ADRA1B: variants seen among roughly 807,000 people sequenced by gnomAD.
ADRA1B encodes alpha-1B adrenergic receptor.
A neutral mutation model predicts 17.9 loss-of-function variants in ADRA1B; 17 were observed. The observed-to-expected ratio is 0.95, with a 90% CI of 0.65 to 1.42. The LOEUF (loss-of-function observed/expected upper bound fraction) is 1.42, where lower values mean the gene tolerates loss of function less well. Ranked by LOEUF, ADRA1B falls within the 40% of genes most tolerant of loss-of-function variation. ADRA1B has a pLI of 0.00. For synonymous variants in ADRA1B, 366 were observed against 327.6 expected, an observed-to-expected ratio of 1.12 and a Z score of -1.27; for missense variants, 681 against 722.1, an observed-to-expected ratio of 0.94 and a Z score of 0.65.
chr5:159,966,199 T>C (rs1377942419), intron 1 of ADRA1B, among the ~76,000 whole-genome samples: 1 of 152,210 alleles, frequency 6.6e-6, no homozygotes, highest in African/African-American at 2.4e-5. Flanking sequence ...ACCCCAAATA[T>C]GTTTCCTAAA....
At chr5:159,925,067 A>C (rs911842997) in intron 1 of ADRA1B, among the ~76,000 whole-genome samples, 5 of 152,206 alleles carry the variant, frequency 3.3e-5, no homozygotes, top group Non-Finnish European at 7.3e-5. Flanking sequence ...GCCTCAGGTT[A>C]CCCAGCTGAT....
rs190968237 is a variant in ADRA1B at position 159,905,189 on chromosome 5, G to T, written c.-255-10930G>T. On this transcript the variant is annotated intron_variant, in intron 1 of 2. Coordinates refer to the ADRA1B transcript ENST00000641205. ...GAGACCATTGGGATCTTGGGGAGGG[G>T]TTATAGTTGAAAGGAAGAGAGGGTT... Among the ~76,000 whole-genome samples, 18 of 152,310 alleles carry T rather than the reference G, an allele frequency of 1.2e-4. No homozygotes were observed. In the East Asian group the frequency reaches 3.5e-3, roughly 29 times the overall value.
At chr5:159,979,857 G>A in the ADRA1B span, among the ~76,000 whole-genome samples, 7 of 151,404 alleles carry the variant, frequency 4.6e-5, no homozygotes, top group Non-Finnish European at 7.4e-5. Flanking sequence ...AACAGAGCAA[G>A]ACTCCGTCAA....
In ADRA1B at chr5:159,917,824, T is replaced by C; in HGVS notation, c.919T>C (p.Trp307Arg). Residue 307 changes from tryptophan (W) to arginine (R), a missense_variant, in exon 1 of 2, where the codon TGG (tryptophan) becomes CGG (arginine). By Grantham distance (101) the Trp-to-Arg change is moderately radical (BLOSUM62 -3). This residue lies in a region of ADRA1B where 424 missense variants were observed against 480.2 expected (regional missense o/e 0.88). Coordinates refer to ENST00000306675, the MANE Select transcript of ADRA1B (RefSeq NM_000679.4). ...GIVVGMFILC[W>R]LPFFIALPLG... The stretch of plus-strand genomic sequence containing the variant: ...TGTGGTCGGTATGTTCATCTTGTGC[T>C]GGCTACCCTTCTTCATCGCTCTACC... The C allele has an allele frequency of 6.2e-7, 1 of 1,611,354 alleles. No homozygotes were observed. The highest frequency in any genetic ancestry group is 8.5e-7 in the Non-Finnish European group (1 of 1,179,188).
At position 159,916,935 on chromosome 5, in the gene ADRA1B, C is replaced by T. The variant is rs1386285248; in HGVS notation, c.30C>T (p.Asn10=). The part of the protein sequence containing the change: MNPDLDTGH[N]TSAPAHWGEL... ...ATCCCGACCTGGACACCGGCCACAA[C>T]ACATCAGCACCTGCCCACTGGGGAG... Residue 10 remains asparagine, a synonymous_variant, in exon 1 of 2, where the codon AAC becomes AAT. Transcript: ENST00000306675. 1 of 1,613,594 alleles carries T rather than the reference C, an allele frequency of 6.2e-7. No homozygotes were observed. The highest frequency in any genetic ancestry group is 1.7e-5 in the Admixed American group (1 of 60,004).
At chr5:159,882,495 A>C (rs887091328) in intron 1 of ADRA1B, among the ~76,000 whole-genome samples, 38 of 152,358 alleles carry the variant, frequency 2.5e-4, no homozygotes, top group East Asian at 2.3e-3. Flanking sequence ...ACTGGTTCCC[A>C]GCTGTGCTGA....
At chr5:159,895,024 A>G (rs764532442) in intron 1 of ADRA1B, among the ~76,000 whole-genome samples, 16 of 152,236 alleles carry the variant, frequency 1.1e-4, no homozygotes, top group Admixed American at 2.6e-4. Flanking sequence ...AGGAAGCATT[A>G]TAGAACTACT....
chr5:159,877,299 C>T (rs931566318), intron 1 of ADRA1B, among the ~76,000 whole-genome samples: 7 of 152,130 alleles, frequency 4.6e-5, no homozygotes, highest in Non-Finnish European at 5.9e-5. Context: ...TCAGAAGACC[C>T]GGGGACAATA....
chr5:159,908,591 C>T (rs1290437037), intron 1 of ADRA1B, among the ~76,000 whole-genome samples: 2 of 152,170 alleles, frequency 1.3e-5, no homozygotes. Context: ...TCACCAGAAG[C>T]AGATGCCTGT....
chr5:159,870,561 A>G, intron 1 of ADRA1B: 1 of 152,196 alleles, frequency 6.6e-6, no homozygotes, highest in Middle Eastern at 3.2e-3. Flanking sequence ...ATGTGTGTAT[A>G]AACTCCTGTA....
chr5:159,972,640 G>C lies in ADRA1B; in HGVS notation c.*148G>C. ...GGGAGGGCCGGGGAGAGGGGCAGCT[G>C]CTTTTCTGGCAGGGGCATGGGTGCC... On this transcript the variant is annotated 3_prime_UTR_variant, in exon 2 of 2. Coordinates refer to ENST00000306675, the MANE Select transcript of ADRA1B (RefSeq NM_000679.4). 1 of 944,072 alleles carries C rather than the reference G, an allele frequency of 1.1e-6. No individual in the cohort carries two copies. Among genetic ancestry groups the C allele is most frequent in the Non-Finnish European group, 1.5e-6 (1 of 688,602 alleles). 58.5% of individuals were successfully genotyped at this position (944,072 alleles called of 1,614,324 possible).
downstream of ADRA1B, among the ~76,000 whole-genome samples, chr5:159,977,846 C>T (rs1466138895): frequency 3.9e-5 from 6 of 152,012 alleles, no homozygotes; most frequent in Admixed American, 3.3e-4. Context: ...CAGGGGGAGC[C>T]TCACAACTCC....
At chr5:159,909,140 A>G (rs1019558503) in intron 1 of ADRA1B, among the ~76,000 whole-genome samples, 5 of 152,158 alleles carry the variant, frequency 3.3e-5, no homozygotes, top group African/African-American at 1.2e-4. Context: ...TCAATGCACA[A>G]TGAAGATGGG....
intron 1 of ADRA1B, among the ~76,000 whole-genome samples, chr5:159,919,900 A>T (rs1208118350): frequency 1.3e-5 from 2 of 152,242 alleles, no homozygotes; most frequent in African/African-American, 4.8e-5. Flanking sequence ...GGAGCAACAG[A>T]GTTCCCATTT....
chr5:159,917,673 T>G lies in ADRA1B; in HGVS notation c.768T>G (p.His256Gln). ...SNSKELTLRI[H>Q]SKNFHEDTLS... is the part of the protein sequence containing the mutation. ...CCAAGGAGCTGACCCTGAGGATCCA[T>G]TCCAAGAACTTTCACGAGGACACCC... The change falls in exon 1 of 2, where the codon CAT (histidine) becomes CAG (glutamine). Residue 256 changes from histidine (H) to glutamine (Q), a missense_variant. His to Gln is a conservative substitution (Grantham distance 24, BLOSUM62 0). This residue lies in a region of ADRA1B where 424 missense variants were observed against 480.2 expected (regional missense o/e 0.88). Transcript: ENST00000306675. The G allele has an allele frequency of 2.5e-6, 4 of 1,613,752 alleles. No homozygotes were observed. The highest frequency in any genetic ancestry group is 3.4e-6 in the Non-Finnish European group (4 of 1,179,986).
intron 1 of ADRA1B, among the ~76,000 whole-genome samples, chr5:159,902,090 C>T (rs1351780632): frequency 1.3e-5 from 2 of 152,116 alleles, no homozygotes; most frequent in African/African-American, 2.4e-5. Context: ...TGGAAGCAAC[C>T]TAAATGTCAG....
intron 1 of ADRA1B, among the ~76,000 whole-genome samples, chr5:159,924,660 C>G (rs923708460): frequency 6.6e-6 from 1 of 152,110 alleles, no homozygotes; most frequent in Non-Finnish European, 1.5e-5. Context: ...AGCAAAACGG[C>G]TCACAGAAAT....
intron 1 of ADRA1B, among the ~76,000 whole-genome samples, chr5:159,952,937 A>G (rs1405450838): frequency 6.6e-6 from 1 of 152,198 alleles, no homozygotes; most frequent in Non-Finnish European, 1.5e-5. Context: ...TTCTTACATT[A>G]TAGGCTTTCT....
chr5:159,973,886 C>A (rs1755932758), downstream of ADRA1B, among the ~76,000 whole-genome samples: 1 of 152,212 alleles, frequency 6.6e-6, no homozygotes, highest in African/African-American at 2.4e-5. Flanking sequence ...GGACACTGAG[C>A]AAAATCTGAA....
Sources: gnomAD v4.1 joint callset for allele counts (sites outside exome capture counted in the v4.1 genomes callset) on GRCh38, gnomAD v4.1.1 for gene constraint, gnomAD v4.1.1 regional missense constraint, MANE v1.5 for transcripts, NCBI Gene and HGNC (gene_info 2026-07-23, HGNC 2026-07-21) for gene names.